The following ZMIZ1 variants were observed in gnomAD, a reference collection of about 807,000 sequenced individuals.
ZMIZ1 encodes the protein zinc finger MIZ-type containing 1, also known as zinc finger MIZ domain-containing protein 1.
A neutral mutation model predicts 113.9 loss-of-function variants in ZMIZ1; 17 were observed. The ratio of observed to expected loss-of-function variants is 0.15; its 90% CI spans 0.10 to 0.22. The LOEUF (loss-of-function observed/expected upper bound fraction) is 0.22, where lower values mean the gene tolerates loss of function less well. Ranked by LOEUF, ZMIZ1 falls within the 10% of genes least tolerant of loss-of-function variation. The pLI is 1.00. For synonymous variants in ZMIZ1, 607 were observed against 603.1 expected (o/e 1.01, Z -0.09); for missense variants, 1,059 against 1,477.8 (o/e 0.72, Z 4.65).
chr10:79,201,703 G>C lies in ZMIZ1; in HGVS notation c.60+11G>C, dbSNP rs755488350. 1.9e-6 allele frequency: 3 copies of C among 1,612,506 alleles called. No homozygotes were observed. Among genetic ancestry groups the C allele is most frequent in the Admixed American group, 3.3e-5 (2 of 59,988 alleles). The stretch of plus-strand genomic sequence containing the variant: ...CAGTGCATCAAGCAGGTGGGTGTGG[G>C]GCAAGGCACACTCCGAGGGCGGGGC... On this transcript the variant is annotated intron_variant, in intron 5 of 24. Coordinates refer to ENST00000334512, the MANE Select transcript of ZMIZ1 (RefSeq NM_020338.4).
At chr10:79,311,259 TG>T in intron 24 of ZMIZ1, 75 bp downstream of exon 24, 1 of 1,226,164 alleles carries the variant, frequency 8.2e-7, no homozygotes, top group Non-Finnish European at 1.0e-6. Flanking sequence ...AAGGGGTGGG[TG>T]TGAGGGCTCG....
chr10:79,104,953 GTGTGTGT>G (rs1564652922), intron 1 of ZMIZ1, among the ~76,000 whole-genome samples: 65 of 68,608 alleles, frequency 9.5e-4, no homozygotes, highest in African/African-American at 4.6e-3. Flanking sequence ...GTTGTGGGGT[GTGTGTGT>G]GTGTGTGTGT....
chr10:79,145,258 A>G (rs946021284), intron 3 of ZMIZ1, among the ~76,000 whole-genome samples: 1 of 151,470 alleles, frequency 6.6e-6, no homozygotes, highest in African/African-American at 2.4e-5. Flanking sequence ...CTCTGCTCAC[A>G]TTTCCATCCC....
chr10:79,222,378 C>T lies in ZMIZ1; in HGVS notation c.280+6104C>T, dbSNP rs540173357. ...CCCCATCCTTCTCTATTGTCTCACA[C>T]CCATGGCCTTCCCCACCGTTGGAAA... On this transcript the variant is annotated intron_variant, in intron 7 of 24. Transcript: ENST00000334512. 3.3e-5 allele frequency among the ~76,000 whole-genome samples: 5 copies of T among 152,298 alleles called. No homozygotes were observed. The South Asian group carries it at 1.0e-3, about 32-fold the overall frequency.
At chr10:79,116,924 G>C (rs970208031) in intron 1 of ZMIZ1, among the ~76,000 whole-genome samples, 7 of 152,238 alleles carry the variant, frequency 4.6e-5, no homozygotes, top group African/African-American at 1.7e-4. Flanking sequence ...GTGGCTTAAA[G>C]CAGCCACCAT....
chr10:79,262,250 A>G (rs113734213), intron 7 of ZMIZ1, among the ~76,000 whole-genome samples: 6,846 of 152,340 alleles, frequency 0.045, 171 homozygotes, highest in African/African-American at 0.051. Flanking sequence ...GCAGCACCTG[A>G]GACCTGGCTA....
At chr10:79,166,445 T>G (rs1225435258) in intron 4 of ZMIZ1, among the ~76,000 whole-genome samples, 1 of 152,114 alleles carries the variant, frequency 6.6e-6, no homozygotes, top group Admixed American at 6.5e-5. Context: ...GGCCAGGTGG[T>G]GGGGGAAGGT....
At chr10:79,300,503 G>A (rs1052666423) in intron 16 of ZMIZ1, among the ~76,000 whole-genome samples, 3 of 152,134 alleles carry the variant, frequency 2.0e-5, no homozygotes, top group African/African-American at 7.2e-5. Flanking sequence ...TGTGGGGTGT[G>A]ATGGGAATGA....
intron 7 of ZMIZ1, among the ~76,000 whole-genome samples, chr10:79,226,227 G>A (rs937460564): frequency 6.6e-6 from 1 of 152,154 alleles, no homozygotes; most frequent in African/African-American, 2.4e-5. Context: ...GGCTCTGAGG[G>A]GTGGGGAGGT....
intron 7 of ZMIZ1, 167 bp downstream of exon 7, chr10:79,216,441 T>TTCCGGGA (rs1848732922): frequency 1.8e-6 from 1 of 557,144 alleles, no homozygotes; most frequent in Non-Finnish European, 3.1e-6. Flanking sequence ...GGACCCACAG[T>TTCCGGGA]TGGGGCTGTC....
At chr10:79,256,371 A>G (rs1850904361) in intron 7 of ZMIZ1, among the ~76,000 whole-genome samples, 1 of 150,090 alleles carries the variant, frequency 6.7e-6, no homozygotes, top group Non-Finnish European at 1.5e-5. Context: ...AGCCTTCCCC[A>G]CTATCTCCCA....
At chr10:79,073,031 C>A (rs971710116) in intron 1 of ZMIZ1, among the ~76,000 whole-genome samples, 2 of 152,182 alleles carry the variant, frequency 1.3e-5, no homozygotes, top group African/African-American at 2.4e-5. Context: ...CTGAGAAAAG[C>A]AGTCCTAGGC....
intron 2 of ZMIZ1, among the ~76,000 whole-genome samples, chr10:79,130,984 CT>C (rs1029723277): frequency 2.0e-5 from 3 of 152,204 alleles, no homozygotes; most frequent in African/African-American, 7.2e-5. Flanking sequence ...TAGCATCCCG[CT>C]GCACCCCCGC....
chr10:79,110,015 GT>G (rs892807039), intron 1 of ZMIZ1, among the ~76,000 whole-genome samples: 2 of 152,262 alleles, frequency 1.3e-5, no homozygotes, highest in Admixed American at 6.5e-5. Context: ...CATAGGACTT[GT>G]TCCAGCTGTG....
At chr10:79,143,629 G>T (rs1336176413) in intron 3 of ZMIZ1, among the ~76,000 whole-genome samples, 5 of 152,162 alleles carry the variant, frequency 3.3e-5, no homozygotes, top group South Asian at 2.1e-4. Flanking sequence ...ATGGGGTGGT[G>T]GGGGGACAGG....
At chr10:79,267,003 G>A (rs978350503) in intron 7 of ZMIZ1, among the ~76,000 whole-genome samples, 1 of 152,250 alleles carries the variant, frequency 6.6e-6, no homozygotes, top group Non-Finnish European at 1.5e-5. Context: ...CTTGGGCTCT[G>A]CCCACCGCCC....
chr10:79,244,308 G>C (rs1850063916), intron 7 of ZMIZ1, among the ~76,000 whole-genome samples: 1 of 152,226 alleles, frequency 6.6e-6, no homozygotes, highest in African/African-American at 2.4e-5. Context: ...TTGCACCAGA[G>C]GGCAGGAAGC....
At chr10:79,259,304 A>G (rs1163651167) in intron 7 of ZMIZ1, among the ~76,000 whole-genome samples, 1 of 152,122 alleles carries the variant, frequency 6.6e-6, no homozygotes, top group African/African-American at 2.4e-5. Flanking sequence ...AAGAGAGAGG[A>G]GGCCAGACCT....
At chr10:79,205,579 G>A (rs1848284689) in intron 5 of ZMIZ1, among the ~76,000 whole-genome samples, 1 of 152,218 alleles carries the variant, frequency 6.6e-6, no homozygotes, top group South Asian at 2.1e-4. Context: ...TGAGTTCCTT[G>A]TCGTTTCTCA....
Sources: gnomAD v4.1 joint callset for allele counts (sites outside exome capture counted in the v4.1 genomes callset) on GRCh38, gnomAD v4.1.1 for gene constraint, MANE v1.5 for transcripts, NCBI Gene and HGNC (gene_info 2026-07-23, HGNC 2026-07-21) for gene names.